VWA8: variants seen among roughly 807,000 people sequenced by gnomAD.
VWA8 encodes the protein von Willebrand factor A domain containing 8, also known as von Willebrand factor A domain-containing protein 8.
VWA8 carries 221 observed loss-of-function variants against 241.5 expected under a neutral mutation model. The observed-to-expected ratio is 0.91, with a 90% CI of 0.82 to 1.02. VWA8 has a LOEUF of 1.02. Among genes scored for constraint, VWA8 ranks in the 50% least tolerant of loss-of-function variants. The pLI, the probability that VWA8 is intolerant of heterozygous loss-of-function variation, is 0.00. For missense variants in VWA8, 2,322 were observed against 2,328.7 expected (o/e 1.00, Z 0.06); for synonymous variants, 852 against 827.1 (o/e 1.03, Z -0.52).
intron 40 of VWA8, among the ~76,000 whole-genome samples, chr13:41,602,249 G>C (rs571039197): frequency 3.7e-4 from 57 of 152,150 alleles, no homozygotes; most frequent in African/African-American, 1.3e-3. Flanking sequence ...GTTGGCATTT[G>C]GATAATGATG....
intron 26 of VWA8, among the ~76,000 whole-genome samples, chr13:41,705,091 T>C (rs1354095280): frequency 6.6e-6 from 1 of 152,218 alleles, no homozygotes; most frequent in East Asian, 1.9e-4. Context: ...CCCTTTTGAA[T>C]GCTAATGTTT....
At chr13:41,603,491 C>T (rs2044534939) in intron 40 of VWA8, among the ~76,000 whole-genome samples, 1 of 152,140 alleles carries the variant, frequency 6.6e-6, no homozygotes. Flanking sequence ...CCAATTAAGA[C>T]ATCAACTAAT....
At chr13:41,634,312 C>T (rs2044743617) in intron 37 of VWA8, among the ~76,000 whole-genome samples, 2 of 152,090 alleles carry the variant, frequency 1.3e-5, no homozygotes, top group Admixed American at 1.3e-4. Context: ...TCATGTCTGT[C>T]TCCCTCTACT....
chr13:41,748,665 A>T (rs2045629423), intron 21 of VWA8, among the ~76,000 whole-genome samples: 1 of 152,138 alleles, frequency 6.6e-6, no homozygotes, highest in Non-Finnish European at 1.5e-5. Context: ...ACAGAGATAT[A>T]GACCAATGGA....
intron 26 of VWA8, among the ~76,000 whole-genome samples, chr13:41,711,955 T>TA (rs2137838605): frequency 6.6e-6 from 1 of 151,664 alleles, no homozygotes; most frequent in Admixed American, 6.6e-5. Context: ...TTTTTTTTTT[T>TA]AAAGCAAAAG....
rs900942344 is a variant in VWA8 at position 41,804,040 on chromosome 13, A to G, written c.2063+7185T>C. Among the ~76,000 whole-genome samples, 5 of 152,220 alleles carry G rather than the reference A, an allele frequency of 3.3e-5. No homozygotes were observed. The South Asian group carries it at 8.3e-4, about 25-fold the overall frequency. On this transcript the variant is annotated intron_variant, in intron 17 of 44. Transcript: ENST00000379310. ...AAAAAGAATAAAACATGACTACAAG[A>G]TCTAGAAAATGGCCTAAAAAGGGCA...
At chr13:41,847,255 A>G (rs1358826460) in intron 12 of VWA8, among the ~76,000 whole-genome samples, 1 of 152,070 alleles carries the variant, frequency 6.6e-6, no homozygotes, top group Admixed American at 6.5e-5. Flanking sequence ...GAATAGAAGG[A>G]CACAAATAAG....
intron 4 of VWA8, among the ~76,000 whole-genome samples, chr13:41,892,187 A>T (rs1330250790): frequency 6.6e-6 from 1 of 152,254 alleles, no homozygotes; most frequent in Non-Finnish European, 1.5e-5. Flanking sequence ...AATTTTAAGA[A>T]AATTAGTAAT....
intron 37 of VWA8, among the ~76,000 whole-genome samples, chr13:41,648,050 C>A (rs975422831): frequency 1.3e-5 from 2 of 151,980 alleles, no homozygotes; most frequent in Admixed American, 6.6e-5. Context: ...TAAAACCCAC[C>A]ACCTAGGAGA....
intron 17 of VWA8, among the ~76,000 whole-genome samples, chr13:41,797,127 T>G (rs974729935): frequency 6.6e-6 from 1 of 151,964 alleles, no homozygotes; most frequent in Non-Finnish European, 1.5e-5. Context: ...ACTGCCCGGG[T>G]TCAAGTGATT....
rs1430917224 is a variant in VWA8 at position 41,833,440 on chromosome 13, A to T, written c.1517T>A (p.Leu506Gln). The T allele has an allele frequency of 6.2e-7, 1 of 1,614,034 alleles. No individual in the cohort carries two copies. Among genetic ancestry groups the T allele is most frequent in the Non-Finnish European group, 8.5e-7 (1 of 1,179,966 alleles). ...ATCCAGCAGGACCAGCTTGCCTTCC[A>T]GAGCAGCATTCACAAGGGGTGAGGA... ...WRSSPLVNAA[L>Q]EGKLVLLDGI... Residue 506 changes from leucine to glutamine, a missense_variant, in exon 13 of 45, where the codon CTG (leucine) becomes CAG (glutamine). Coordinates refer to ENST00000379310, the MANE Select transcript of VWA8 (RefSeq NM_015058.2).
At position 41,907,618 on chromosome 13, in the gene VWA8, T is replaced by A. The variant is rs1448449785; in HGVS notation, c.451A>T (p.Ile151Phe). The A allele has an allele frequency of 1.2e-6, 2 of 1,614,062 alleles. No individual in the cohort carries two copies. Among genetic ancestry groups the A allele is most frequent in the African/African-American group, 2.7e-5 (2 of 74,938 alleles). ...ATGTAAAAGGCTGTGCCTGCACGGA[T>A]CTCTCGTCGCTGTTTGAGATCAGTT... The part of the protein sequence containing the change: ...TETDLKQRRE[I>F]RAGTAFYIDQ... Residue 151 changes from isoleucine (I) to phenylalanine (F), a missense_variant, in exon 4 of 45, where the codon ATC becomes TTC. Transcript: ENST00000379310.
chr13:41,776,656 C>T (rs970693044), intron 20 of VWA8, among the ~76,000 whole-genome samples: 1 of 152,060 alleles, frequency 6.6e-6, no homozygotes, highest in Admixed American at 6.6e-5. Flanking sequence ...GAAGCACTTC[C>T]CACGCATTAT....
At chr13:41,899,644 T>C (rs2138096422) in intron 4 of VWA8, among the ~76,000 whole-genome samples, 1 of 152,302 alleles carries the variant, frequency 6.6e-6, no homozygotes. Flanking sequence ...ATTAAAATAC[T>C]TAATCAGTAC....
chr13:41,874,365 T>C (rs867019859), intron 9 of VWA8, among the ~76,000 whole-genome samples: 2 of 151,834 alleles, frequency 1.3e-5, no homozygotes, highest in Non-Finnish European at 1.5e-5. Flanking sequence ...AAATAAAGGG[T>C]ATTCAATTAG....
At chr13:41,637,166 A>G (rs2044763536) in intron 37 of VWA8, among the ~76,000 whole-genome samples, 1 of 151,776 alleles carries the variant, frequency 6.6e-6, no homozygotes, top group African/African-American at 2.4e-5. Context: ...ACCAACCCAA[A>G]TGTCCAACAA....
At chr13:41,647,095 T>C (rs559474561) in intron 37 of VWA8, among the ~76,000 whole-genome samples, 1 of 152,308 alleles carries the variant, frequency 6.6e-6, no homozygotes, top group Non-Finnish European at 1.5e-5. Flanking sequence ...CCTCACATAT[T>C]ACACACACAG....
chr13:41,940,927 C>T (rs1206136695), intron 2 of VWA8, among the ~76,000 whole-genome samples: 1 of 152,080 alleles, frequency 6.6e-6, no homozygotes, highest in Non-Finnish European at 1.5e-5. Flanking sequence ...AAAGAAAATG[C>T]AAATTGGGTC....
At chr13:41,830,163 G>C (rs560530416) in intron 14 of VWA8, among the ~76,000 whole-genome samples, 1 of 150,886 alleles carries the variant, frequency 6.6e-6, no homozygotes, top group Non-Finnish European at 1.5e-5. Flanking sequence ...GAATGGCATG[G>C]ACCTGGGAGG....
Sources: allele counts gnomAD v4.1 joint callset (sites outside exome capture counted in the v4.1 genomes callset), GRCh38; gene constraint gnomAD v4.1.1; transcripts MANE v1.5; gene names NCBI Gene and HGNC (gene_info 2026-07-23, HGNC 2026-07-21).